CD2AP: variants seen among roughly 807,000 people sequenced by gnomAD.
CD2AP encodes the protein CD2-associated protein.
In CD2AP, 46 loss-of-function variants were observed where a neutral mutation model predicts 85.1. The observed-to-expected ratio is 0.54, with a 90% CI of 0.43 to 0.69. The LOEUF (loss-of-function observed/expected upper bound fraction) is 0.69, where lower values mean the gene tolerates loss of function less well. Ranked by LOEUF, CD2AP falls within the 30% of genes least tolerant of loss-of-function variation. CD2AP has a pLI of 0.00. For synonymous variants in CD2AP, 255 were observed against 252.9 expected, an observed-to-expected ratio of 1.01 and a Z score of -0.08; for missense variants, 769 against 729.5, an observed-to-expected ratio of 1.05 and a Z score of -0.62.
intron 2 of CD2AP, among the ~76,000 whole-genome samples, chr6:47,521,996 C>G (rs58707029): frequency 0.078 from 11,720 of 150,098 alleles, 468 homozygotes; most frequent in South Asian, 0.13. Context: ...GCCTGGGCAA[C>G]AAGAGCGAAA....
chr6:47,523,270 A>T (rs1766641887), intron 2 of CD2AP, among the ~76,000 whole-genome samples: 2 of 152,118 alleles, frequency 1.3e-5, no homozygotes, highest in South Asian at 4.1e-4. Flanking sequence ...AACCTTGCAG[A>T]TATTGGAATA....
chr6:47,607,723 T>C, intron 14 of CD2AP: 1 of 492,828 alleles, frequency 2.0e-6, no homozygotes, highest in Non-Finnish European at 3.6e-6. Flanking sequence ...TCCTTACTGC[T>C]AAGAGGCAAG....
intron 4 of CD2AP, among the ~76,000 whole-genome samples, chr6:47,549,496 T>C (rs1454849881): frequency 7.1e-6 from 1 of 141,358 alleles, no homozygotes; most frequent in Non-Finnish European, 1.5e-5. Context: ...TGCTTAGGAA[T>C]ATACCTAACC....
At chr6:47,553,513 A>ATTTTTTTT (rs148273065) in intron 4 of CD2AP, among the ~76,000 whole-genome samples, 1,041 of 110,210 alleles carry the variant, frequency 9.4e-3, no homozygotes, top group African/African-American at 0.013. Context: ...CACCTAGTGA[A>ATTTTTTTT]TTTTTTTTTT....
intron 3 of CD2AP, among the ~76,000 whole-genome samples, chr6:47,540,349 A>C (rs1315694232): frequency 6.6e-6 from 1 of 152,068 alleles, no homozygotes; most frequent in Non-Finnish European, 1.5e-5. Context: ...TTGAAATGTG[A>C]AAAATCTCAA....
intron 1 of CD2AP, among the ~76,000 whole-genome samples, chr6:47,481,906 C>G (rs1344187020): frequency 6.6e-6 from 1 of 152,146 alleles, no homozygotes; most frequent in Non-Finnish European, 1.5e-5. Context: ...GCTACAGGTG[C>G]ACACTACCAC....
intron 3 of CD2AP, among the ~76,000 whole-genome samples, chr6:47,537,703 G>C (rs2114032670): frequency 6.6e-6 from 1 of 152,116 alleles, no homozygotes; most frequent in African/African-American, 2.4e-5. Flanking sequence ...GTCTTAAGTA[G>C]AACATCTCAG....
rs1449465140 is a variant in CD2AP at position 47,625,596 on chromosome 6, T to G, written c.*1369T>G. The G allele has an allele frequency of 2.6e-5, 4 of 151,830 alleles. No individual in the cohort carries two copies. The allele number at this position is 151,830 out of a possible 1,614,324, so 9.4% of individuals were successfully genotyped here. On this transcript the variant is annotated 3_prime_UTR_variant, in exon 18 of 18. Coordinates refer to ENST00000359314, the MANE Select transcript of CD2AP (RefSeq NM_012120.3). The stretch of plus-strand genomic sequence containing the variant: ...TATTTGCAAAAAATTGTTTTATGCT[T>G]TATTATATCGCAAATGAGTGTCAGA...
chr6:47,609,201 G>C lies in CD2AP; in HGVS notation c.1711G>C (p.Ala571Pro), dbSNP rs140800708. 6.2e-7 allele frequency: 1 copy of C among 1,613,040 alleles called. No individual in the cohort carries two copies. Among genetic ancestry groups the C allele is most frequent in the Non-Finnish European group, 8.5e-7 (1 of 1,179,446 alleles). The change falls in exon 16 of 18, where the codon GCT becomes CCT. Residue 571 changes from alanine to proline, a missense_variant. By Grantham distance (27) the Ala-to-Pro change is conservative (BLOSUM62 -1). Transcript: ENST00000359314. ...TTTCCTGACTCCATTAGAAATCAAAGCTAAAGTGGAAACAGATGATGTGAA... is the reference window on the plus strand; with the variant it reads ...TTTCCTGACTCCATTAGAAATCAAACCTAAAGTGGAAACAGATGATGTGAA... ...TAFLTPLEIK[A>P]KVETDDVKKN...
intron 2 of CD2AP, among the ~76,000 whole-genome samples, chr6:47,511,744 A>G (rs1400586455): frequency 1.3e-5 from 2 of 152,218 alleles, no homozygotes; most frequent in East Asian, 1.9e-4. Context: ...TCAGATGTGT[A>G]TGTTAAAATT....
chr6:47,609,218 T>C lies in CD2AP; in HGVS notation c.1728T>C (p.Asp576=). Residue 576 remains aspartate, a synonymous_variant, in exon 16 of 18, where the codon GAT becomes GAC. Coordinates refer to ENST00000359314, the MANE Select transcript of CD2AP (RefSeq NM_012120.3). ...PLEIKAKVET[D]DVKKNSLDEL... ...AAATCAAAGCTAAAGTGGAAACAGA[T>C]GATGTGAAAAAAAATTCCCTGGATG... The C allele has an allele frequency of 6.2e-7, 1 of 1,613,184 alleles. No individual in the cohort carries two copies.
intron 5 of CD2AP, 22 bp from the exon 6 acceptor site, chr6:47,574,042 C>G (rs1768231282): frequency 1.2e-6 from 2 of 1,610,776 alleles, no homozygotes; most frequent in African/African-American, 2.7e-5. Context: ...TGTCATTCTT[C>G]AAAAACAAAT....
Position 47,625,018 on chromosome 6 carries a change from C to T in CD2AP, c.*791C>T, listed in dbSNP as rs1057042622. 1 of 151,814 alleles carries T rather than the reference C, an allele frequency of 6.6e-6. No individual in the cohort carries two copies. Among genetic ancestry groups the T allele is most frequent in the African/African-American group, 2.4e-5 (1 of 41,380 alleles). 9.4% of individuals were successfully genotyped at this position (151,814 alleles called of 1,614,324 possible). On this transcript the variant is annotated 3_prime_UTR_variant, in exon 18 of 18. Coordinates refer to ENST00000359314, the MANE Select transcript of CD2AP (RefSeq NM_012120.3). The stretch of plus-strand genomic sequence containing the variant: ...GAACTGTATTTTAAATTTGTTAGGT[C>T]TGAAGAATCTAAAACTGTTAATTTA...
chr6:47,512,693 A>G (rs1489716862), intron 2 of CD2AP, among the ~76,000 whole-genome samples: 1 of 152,216 alleles, frequency 6.6e-6, no homozygotes, highest in Non-Finnish European at 1.5e-5. Context: ...TCATTTTGCC[A>G]TCTTGCTTAA....
chr6:47,623,073 G>A (rs1391934874), intron 17 of CD2AP, among the ~76,000 whole-genome samples: 1 of 152,198 alleles, frequency 6.6e-6, no homozygotes, highest in African/African-American at 2.4e-5. Flanking sequence ...ATTGAAGACA[G>A]GCTTGTTGTA....
chr6:47,579,689 T>C (rs1346291338), intron 9 of CD2AP, 200 bp downstream of exon 9: 2 of 547,792 alleles, frequency 3.7e-6, no homozygotes, highest in Non-Finnish European at 6.5e-6. Flanking sequence ...TTTGTTTCTT[T>C]CTCGACTGTA....
At chr6:47,609,512 G>GAA (rs1769368728) in intron 16 of CD2AP, 9 of 53,934 alleles carry the variant, frequency 1.7e-4, no homozygotes, top group South Asian at 1.3e-3. Flanking sequence ...CCCCATCTTT[G>GAA]CAAAAAAAAA....
Position 47,496,163 on chromosome 6 carries a change from A to G in CD2AP, c.5-7117A>G, listed in dbSNP as rs565121462. Among the ~76,000 whole-genome samples the G allele has an allele frequency of 2.6e-5, 4 of 152,164 alleles. No homozygotes were observed. In the East Asian group the frequency reaches 7.7e-4, roughly 29 times the overall value. ...CATCAGAGTTTTCTTTTTGTGTAGCAAAGTCCCACTTCTGGCTTGTCAGAA... is the reference window on the plus strand; with the variant it reads ...CATCAGAGTTTTCTTTTTGTGTAGCGAAGTCCCACTTCTGGCTTGTCAGAA... On this transcript the variant is annotated intron_variant, in intron 1 of 17. Coordinates refer to ENST00000359314, the MANE Select transcript of CD2AP (RefSeq NM_012120.3).
chr6:47,514,523 A>G (rs867475144), intron 2 of CD2AP, among the ~76,000 whole-genome samples: 26 of 152,308 alleles, frequency 1.7e-4, no homozygotes, highest in African/African-American at 6.0e-4. Context: ...TGGAGTTGCT[A>G]CTTTGTAATT....
Sources: allele counts gnomAD v4.1 joint callset (sites outside exome capture counted in the v4.1 genomes callset), GRCh38; gene constraint gnomAD v4.1.1; transcripts MANE v1.5; gene names NCBI Gene and HGNC (gene_info 2026-07-23, HGNC 2026-07-21).